Variants in ANKS1B observed in about 807,000 individuals in gnomAD.
ANKS1B encodes ankyrin repeat and sterile alpha motif domain containing 1B, also known as ankyrin repeat and sterile alpha motif domain-containing protein 1B.
ANKS1B carries 36 observed loss-of-function variants against 148.3 expected under a neutral mutation model. The observed-to-expected ratio is 0.24, with a 90% CI of 0.19 to 0.32. The LOEUF (loss-of-function observed/expected upper bound fraction) is 0.32. Among genes scored for constraint, ANKS1B ranks in the 10% least tolerant of loss-of-function variants. The pLI is 1.00. For synonymous variants in ANKS1B, 542 were observed against 560.8 expected, an observed-to-expected ratio of 0.97 and a Z score of 0.47; for missense variants, 1,157 against 1,542.6, an observed-to-expected ratio of 0.75 and a Z score of 4.19.
intron 9 of ANKS1B, among the ~76,000 whole-genome samples, chr12:99,562,435 T>C (rs2097346222): frequency 6.6e-6 from 1 of 152,218 alleles, no homozygotes; most frequent in Non-Finnish European, 1.5e-5. Context: ...GGCATCTTTT[T>C]CCAATACAAG....
At chr12:99,234,688 G>C (rs893940235) in intron 14 of ANKS1B, among the ~76,000 whole-genome samples, 20 of 151,776 alleles carry the variant, frequency 1.3e-4, no homozygotes, top group African/African-American at 4.8e-4. Context: ...CTGTCAATGG[G>C]GAAACTGAGT....
chr12:98,848,950 G>T (rs1402580176), intron 17 of ANKS1B, among the ~76,000 whole-genome samples: 1 of 151,858 alleles, frequency 6.6e-6, no homozygotes, highest in Non-Finnish European at 1.5e-5. Context: ...TGTTGGCCAG[G>T]CTGGTCTCAA....
intron 4 of ANKS1B, among the ~76,000 whole-genome samples, chr12:99,801,006 C>A (rs1347452575): frequency 6.6e-6 from 1 of 152,080 alleles, no homozygotes; most frequent in Non-Finnish European, 1.5e-5. Context: ...AATAGGGACA[C>A]GATAGATTAC....
intron 17 of ANKS1B, among the ~76,000 whole-genome samples, chr12:98,935,425 G>A (rs1215160333): frequency 6.6e-6 from 1 of 152,170 alleles, no homozygotes; most frequent in African/African-American, 2.4e-5. Context: ...GATATTGGCT[G>A]CAGTTTTCTC....
At chr12:99,421,310 G>A (rs2095073941) in intron 11 of ANKS1B, among the ~76,000 whole-genome samples, 1 of 152,138 alleles carries the variant, frequency 6.6e-6, no homozygotes, top group South Asian at 2.1e-4. Flanking sequence ...AGGAAAAGAG[G>A]AAATCAATAG....
intron 17 of ANKS1B, among the ~76,000 whole-genome samples, chr12:98,945,624 A>T (rs1234306555): frequency 2.0e-5 from 3 of 151,946 alleles, no homozygotes; most frequent in Non-Finnish European, 4.4e-5. Flanking sequence ...TGAGTCTGAA[A>T]CATTTGTTAT....
intron 10 of ANKS1B, among the ~76,000 whole-genome samples, chr12:99,496,722 A>G (rs2096607902): frequency 7.1e-6 from 1 of 141,564 alleles, no homozygotes; most frequent in Non-Finnish European, 1.5e-5. Flanking sequence ...TACATCTGAT[A>G]ATTTTTTTTT....
At chr12:99,440,188 G>A (rs1011944561) in intron 11 of ANKS1B, among the ~76,000 whole-genome samples, 1 of 151,806 alleles carries the variant, frequency 6.6e-6, no homozygotes, top group African/African-American at 2.4e-5. Flanking sequence ...TTTCTGGGGT[G>A]ATGGCAATGT....
At chr12:99,157,797 T>C (rs1402280832) in intron 14 of ANKS1B, among the ~76,000 whole-genome samples, 1 of 152,132 alleles carries the variant, frequency 6.6e-6, no homozygotes, top group Non-Finnish European at 1.5e-5. Context: ...TTGTACCTCT[T>C]AGAGCAATAA....
intron 4 of ANKS1B, 74 bp from the exon 5 acceptor site, chr12:99,782,171 A>T: frequency 8.7e-7 from 1 of 1,142,952 alleles, no homozygotes; most frequent in Non-Finnish European, 1.3e-6. Flanking sequence ...TAAAATGCTC[A>T]CATTTTACAT....
intron 9 of ANKS1B, among the ~76,000 whole-genome samples, chr12:99,562,533 G>A (rs954593841): frequency 1.8e-4 from 27 of 152,212 alleles, no homozygotes; most frequent in African/African-American, 4.8e-4. Context: ...GCCTGAGGCT[G>A]AGTAATTTAT....
At chr12:98,905,496 G>T (rs703699) in intron 17 of ANKS1B, among the ~76,000 whole-genome samples, 8 of 152,054 alleles carry the variant, frequency 5.3e-5, no homozygotes, top group Non-Finnish European at 8.8e-5. Context: ...AGGGCTGGGC[G>T]CAAAGGCTCC....
At chr12:99,699,310 T>A (rs1282038889) in intron 8 of ANKS1B, among the ~76,000 whole-genome samples, 1 of 152,224 alleles carries the variant, frequency 6.6e-6, no homozygotes, top group Non-Finnish European at 1.5e-5. Flanking sequence ...GTGCCATCCA[T>A]GAATCTACCA....
chr12:99,241,975 T>C (rs1274260198), intron 14 of ANKS1B, among the ~76,000 whole-genome samples: 6 of 152,192 alleles, frequency 3.9e-5, no homozygotes, highest in East Asian at 1.9e-4. Context: ...AGCATTCCCT[T>C]TGAAAACCGG....
intron 20 of ANKS1B, among the ~76,000 whole-genome samples, chr12:98,802,480 G>A (rs2099011732): frequency 6.6e-6 from 1 of 152,018 alleles, no homozygotes; most frequent in African/African-American, 2.4e-5. Context: ...ATATTTTGGG[G>A]AGGAGAACTA....
chr12:99,241,066 A>G (rs899764193), intron 14 of ANKS1B, among the ~76,000 whole-genome samples: 3 of 152,218 alleles, frequency 2.0e-5, no homozygotes, highest in Non-Finnish European at 4.4e-5. Context: ...ATTGAAGGAG[A>G]TAGAGACACA....
At chr12:99,708,733 C>A (rs1212721402) in intron 8 of ANKS1B, among the ~76,000 whole-genome samples, 5 of 152,102 alleles carry the variant, frequency 3.3e-5, no homozygotes, top group African/African-American at 1.2e-4. Flanking sequence ...TAGGGTCCAC[C>A]CAGATAACCC....
intron 14 of ANKS1B, among the ~76,000 whole-genome samples, chr12:99,223,742 A>G (rs2085466852): frequency 6.6e-6 from 1 of 152,190 alleles, no homozygotes; most frequent in South Asian, 2.1e-4. Flanking sequence ...ACAGCAGTAT[A>G]GCTGGCCTGT....
intron 17 of ANKS1B, among the ~76,000 whole-genome samples, chr12:98,852,021 T>G (rs1168132702): frequency 3.2e-5 from 1 of 31,624 alleles, no homozygotes; most frequent in Non-Finnish European, 4.5e-5. Flanking sequence ...AGACTCCATC[T>G]CAAAAAAAAA....
Sources: allele counts gnomAD v4.1 joint callset (sites outside exome capture counted in the v4.1 genomes callset), GRCh38; gene constraint gnomAD v4.1.1; transcripts MANE v1.5; gene names NCBI Gene and HGNC (gene_info 2026-07-23, HGNC 2026-07-21).